NTRK2: variants seen among roughly 807,000 people sequenced by gnomAD.
NTRK2 encodes the protein neurotrophic receptor tyrosine kinase 2, also known as BDNF/NT-3 growth factors receptor.
NTRK2 carries 13 observed loss-of-function variants against 94.5 expected under a neutral mutation model. The observed-to-expected ratio is 0.14, with a 90% confidence interval of 0.09 to 0.22. The LOEUF is 0.22. Among genes scored for constraint, NTRK2 ranks in the 10% least tolerant of loss-of-function variants. The pLI is 1.00. For synonymous variants in NTRK2, 372 were observed against 407.4 expected, an observed-to-expected ratio of 0.91 and a Z score of 1.05; for missense variants, 639 against 1,071.2, an observed-to-expected ratio of 0.60 and a Z score of 5.63.
chr9:84,686,420 T>C (rs747920402), intron 2 of NTRK2, among the ~76,000 whole-genome samples: 1 of 152,136 alleles, frequency 6.6e-6, no homozygotes, highest in Non-Finnish European at 1.5e-5. Flanking sequence ...AACAAACAAA[T>C]AGGTCTAATG....
chr9:84,872,836 G>C, intron 14 of NTRK2: 1 of 1,064,994 alleles, frequency 9.4e-7, no homozygotes, highest in Non-Finnish European at 1.1e-6. Context: ...ATTATAAAGG[G>C]AGGGAGTATT....
chr9:84,811,553 T>C, intron 12 of NTRK2: 1 of 1,065,382 alleles, frequency 9.4e-7, no homozygotes, highest in Non-Finnish European at 1.1e-6. Context: ...CTGCAGCTTT[T>C]CTACTCTGAA....
At chr9:84,996,791 G>T (rs1468258056) in intron 17 of NTRK2, among the ~76,000 whole-genome samples, 1 of 152,230 alleles carries the variant, frequency 6.6e-6, no homozygotes, top group Non-Finnish European at 1.5e-5. Flanking sequence ...TATAGAAAGA[G>T]GTAGAGAGAG....
chr9:84,698,470 A>C (rs553002386), intron 2 of NTRK2, among the ~76,000 whole-genome samples: 10 of 152,030 alleles, frequency 6.6e-5, no homozygotes, highest in African/African-American at 2.4e-4. Flanking sequence ...TTTTGACTCT[A>C]TGACAATGAA....
chr9:84,925,035 G>A (rs564905941), intron 14 of NTRK2, among the ~76,000 whole-genome samples: 43 of 152,056 alleles, frequency 2.8e-4, no homozygotes, highest in African/African-American at 9.4e-4. Flanking sequence ...TTGCTCCTTC[G>A]GTGCCCCAGT....
intron 14 of NTRK2, among the ~76,000 whole-genome samples, chr9:84,912,472 A>G (rs2077265346): frequency 6.6e-6 from 1 of 151,400 alleles, no homozygotes; most frequent in Non-Finnish European, 1.5e-5. Flanking sequence ...TTCTTTTATC[A>G]TTATTTCATA....
chr9:84,689,056 A>G (rs563672211), intron 2 of NTRK2, among the ~76,000 whole-genome samples: 1 of 152,380 alleles, frequency 6.6e-6, no homozygotes, highest in South Asian at 2.1e-4. Context: ...GAGCTGATGC[A>G]TGTAGAATGC....
intron 17 of NTRK2, among the ~76,000 whole-genome samples, chr9:84,965,002 C>T (rs543681553): frequency 6.6e-5 from 10 of 152,234 alleles, no homozygotes; most frequent in Admixed American, 2.0e-4. Context: ...ACTTTTTCTA[C>T]AATTAAAGTT....
chr9:84,812,700 A>G (rs756819352), intron 12 of NTRK2: 9 of 1,042,282 alleles, frequency 8.6e-6, no homozygotes, highest in African/African-American at 1.7e-5. Context: ...ATGTTATACC[A>G]TGGAGCCATA....
intron 12 of NTRK2, among the ~76,000 whole-genome samples, chr9:84,773,608 A>G (rs906168522): frequency 2.0e-5 from 3 of 152,158 alleles, no homozygotes; most frequent in African/African-American, 7.2e-5. Context: ...AATGAAAACT[A>G]TATTTATCAC....
chr9:84,860,930 TATTTTTG>T, intron 12 of NTRK2, 103 bp from the exon 13 acceptor site: 13 of 502,568 alleles, frequency 2.6e-5, no homozygotes, highest in South Asian at 3.3e-5. Context: ...TTTATTTATT[TATTTTTG>T]TCGGGGGGAG....
At chr9:84,725,534 C>T (rs1472695040) in intron 8 of NTRK2, among the ~76,000 whole-genome samples, 3 of 151,996 alleles carry the variant, frequency 2.0e-5, no homozygotes, top group Non-Finnish European at 4.4e-5. Flanking sequence ...AGTGTGGCCC[C>T]TGCCCCACTG....
chr9:84,800,162 GT>G (rs1461731384), intron 12 of NTRK2, among the ~76,000 whole-genome samples: 1 of 152,070 alleles, frequency 6.6e-6, no homozygotes. Context: ...TAGTTCTGTT[GT>G]CTAGAACAAC....
At chr9:84,958,140 G>T (rs1824399937) in intron 17 of NTRK2, among the ~76,000 whole-genome samples, 1 of 151,938 alleles carries the variant, frequency 6.6e-6, no homozygotes, top group Non-Finnish European at 1.5e-5. Context: ...TCTTTTGGGG[G>T]TGATGAAAAT....
chr9:84,687,545 A>T (rs954416555), intron 2 of NTRK2, among the ~76,000 whole-genome samples: 1 of 152,114 alleles, frequency 6.6e-6, no homozygotes, highest in Non-Finnish European at 1.5e-5. Context: ...CCCAGTCTAC[A>T]CTAGAATCCA....
intron 4 of NTRK2, among the ~76,000 whole-genome samples, chr9:84,703,704 A>C (rs2060871178): frequency 6.6e-6 from 1 of 152,238 alleles, no homozygotes; most frequent in Non-Finnish European, 1.5e-5. Flanking sequence ...AGGTGGCATT[A>C]ATGATGAAGT....
At chr9:84,925,102 T>G (rs575776099) in intron 14 of NTRK2, among the ~76,000 whole-genome samples, 83 of 152,034 alleles carry the variant, frequency 5.5e-4, no homozygotes, top group Non-Finnish European at 9.6e-4. Flanking sequence ...TCTTCTCTGT[T>G]CAGAATTTTT....
At chr9:84,888,525 A>G (rs2076485626) in intron 14 of NTRK2, among the ~76,000 whole-genome samples, 1 of 145,674 alleles carries the variant, frequency 6.9e-6, no homozygotes, top group Non-Finnish European at 1.5e-5. Context: ...AGGCAGGAGA[A>G]TCGCTTGAAC....
At chr9:84,689,263 C>G (rs968725878) in intron 2 of NTRK2, among the ~76,000 whole-genome samples, 1 of 152,242 alleles carries the variant, frequency 6.6e-6, no homozygotes, top group African/African-American at 2.4e-5. Context: ...CGCTGGTTCC[C>G]TTATGGCAAC....
Sources: allele counts gnomAD v4.1 joint callset (sites outside exome capture counted in the v4.1 genomes callset), GRCh38; gene constraint gnomAD v4.1.1; transcripts MANE v1.5; gene names NCBI Gene and HGNC (gene_info 2026-07-23, HGNC 2026-07-21).